EED: variants seen among roughly 807,000 people sequenced by gnomAD.
EED encodes the protein polycomb protein EED.
In EED, 9 loss-of-function variants were observed where a neutral mutation model predicts 61.0. The ratio of observed to expected loss-of-function variants is 0.15; its 90% CI spans 0.09 to 0.26. EED has a LOEUF of 0.26. Among genes scored for constraint, EED ranks in the 10% least tolerant of loss-of-function variants. EED has a pLI of 1.00. For synonymous variants in EED, 187 were observed against 174.4 expected (o/e 1.07, Z -0.57); for missense variants, 315 against 542.3 (o/e 0.58, Z 4.16).
At chr11:86,250,012 T>TA (rs1249421485) in intron 1 of EED, among the ~76,000 whole-genome samples, 1 of 152,250 alleles carries the variant, frequency 6.6e-6, no homozygotes, top group Non-Finnish European at 1.5e-5. Flanking sequence ...TACAGTGTAT[T>TA]AAAGTGACTG....
downstream of EED, among the ~76,000 whole-genome samples, chr11:86,281,715 C>T (rs1327697949): frequency 6.6e-6 from 1 of 152,112 alleles, no homozygotes; most frequent in African/African-American, 2.4e-5. Context: ...TTCGCAGGTG[C>T]AGTTATAGCT....
At chr11:86,276,864 G>T in intron 9 of EED, 116 bp from the exon 10 acceptor site, 1 of 868,338 alleles carries the variant, frequency 1.2e-6, no homozygotes. Context: ...TTGATAGATG[G>T]ATTAACCAGG....
At chr11:86,270,029 G>C in intron 9 of EED, 1 of 661,144 alleles carries the variant, frequency 1.5e-6, no homozygotes. Flanking sequence ...GGCAATTGCT[G>C]GGTTGTGGTT....
At chr11:86,285,802 T>A in the EED span, among the ~76,000 whole-genome samples, 2 of 152,018 alleles carry the variant, frequency 1.3e-5, no homozygotes, top group African/African-American at 4.8e-5. Context: ...TTCACCATGT[T>A]GGCCAGGATG....
intron 6 of EED, among the ~76,000 whole-genome samples, chr11:86,261,234 T>TA (rs1945819032): frequency 1.3e-5 from 2 of 152,170 alleles, no homozygotes; most frequent in South Asian, 4.1e-4. Context: ...AGACAGTCCC[T>TA]TCCAAAAAGG....
intron 1 of EED, among the ~76,000 whole-genome samples, chr11:86,249,863 A>C (rs1310103894): frequency 6.6e-6 from 1 of 152,246 alleles, no homozygotes; most frequent in Non-Finnish European, 1.5e-5. Context: ...ACTGAGCAGC[A>C]GTCAAATACA....
intron 9 of EED, among the ~76,000 whole-genome samples, chr11:86,269,368 C>CTG (rs1475967332): frequency 6.6e-6 from 1 of 151,948 alleles, no homozygotes; most frequent in East Asian, 1.9e-4. Context: ...TTTTTTGTAG[C>CTG]TGATAATTTA....
chr11:86,283,470 A>C (rs548528930), downstream of EED, among the ~76,000 whole-genome samples: 3 of 152,150 alleles, frequency 2.0e-5, no homozygotes, highest in Non-Finnish European at 4.4e-5. Flanking sequence ...TTCTTCTGCT[A>C]CTGTGATGTA....
intron 4 of EED, among the ~76,000 whole-genome samples, chr11:86,256,021 G>A (rs2138156854): frequency 6.6e-6 from 1 of 152,272 alleles, no homozygotes; most frequent in Non-Finnish European, 1.5e-5. Flanking sequence ...GAGGTATGGG[G>A]ATAGAGCAGA....
rs1946282308 is a variant in EED, at chr11:86,278,530, C to T, written c.*5C>T. On this transcript the variant is annotated 3_prime_UTR_variant, in exon 12 of 12. Coordinates refer to ENST00000263360, the MANE Select transcript of EED (RefSeq NM_003797.5). Reference sequence around the variant, plus strand: ...CGCTGGGATCGACTTCGATAAAATACTTTTGCCTAATCAAAATTAGAGTGT... The same window carrying T: ...CGCTGGGATCGACTTCGATAAAATATTTTTGCCTAATCAAAATTAGAGTGT... 7.4e-6 allele frequency: 12 copies of T among 1,612,172 alleles called. No individual in the cohort carries two copies. Among genetic ancestry groups the T allele is most frequent in the Non-Finnish European group, 1.0e-5 (12 of 1,179,200 alleles).
intron 9 of EED, chr11:86,276,183 G>A (rs949302381): frequency 4.6e-5 from 7 of 152,072 alleles, no homozygotes; most frequent in African/African-American, 9.7e-5. Flanking sequence ...ATGTCCCTTC[G>A]TGGGCAAACC....
At chr11:86,270,355 GTTTTT>G (rs55640335) in intron 9 of EED, among the ~76,000 whole-genome samples, 1 of 128,584 alleles carries the variant, frequency 7.8e-6, no homozygotes, top group East Asian at 2.2e-4. Flanking sequence ...TTTTTGTTGT[GTTTTT>G]TTTTTTTTTT....
chr11:86,247,513 A>G (rs1482326820), intron 1 of EED, among the ~76,000 whole-genome samples: 1 of 152,226 alleles, frequency 6.6e-6, no homozygotes, highest in Non-Finnish European at 1.5e-5. Flanking sequence ...ATATAAAAAT[A>G]CTTGATTTCC....
At chr11:86,273,209 G>C (rs1341631176) in intron 9 of EED, among the ~76,000 whole-genome samples, 1 of 152,178 alleles carries the variant, frequency 6.6e-6, no homozygotes, top group Non-Finnish European at 1.5e-5. Context: ...ATGTGTGGAG[G>C]TGGGGATCTT....
chr11:86,287,052 A>G, the EED span, among the ~76,000 whole-genome samples: 1 of 151,760 alleles, frequency 6.6e-6, no homozygotes, highest in African/African-American at 2.4e-5. Flanking sequence ...CCCATGAAAC[A>G]ATATACTTAC....
At chr11:86,250,488 T>G in intron 2 of EED, 40 bp downstream of exon 2, 1 of 1,471,796 alleles carries the variant, frequency 6.8e-7, no homozygotes, top group Non-Finnish European at 9.0e-7. Flanking sequence ...AATGCTAGGC[T>G]TCAGAAATTA....
In EED at chr11:86,254,882, A is replaced by G. The variant is rs565756644; in HGVS notation, c.361-340A>G. 8.9e-4 allele frequency among the ~76,000 whole-genome samples: 136 copies of G among 152,346 alleles called. 5 individuals carry two copies. In the South Asian group the frequency reaches 0.027, roughly 30 times the overall value. ...ATGATCCGCATGCCTTGGCCTCCCA[A>G]AATGCTGGGATTACAGGCGTGAGCC... On this transcript the variant is annotated intron_variant, in intron 3 of 11. Transcript: ENST00000263360.
chr11:86,246,272 C>G (rs11234588), intron 1 of EED, among the ~76,000 whole-genome samples: 38,176 of 152,206 alleles, frequency 0.25, 6,131 homozygotes, highest in Non-Finnish European at 0.35. Context: ...AGTATCTTGA[C>G]AATTTATTCA....
intron 6 of EED, among the ~76,000 whole-genome samples, chr11:86,259,786 A>G (rs1168829327): frequency 1.3e-5 from 2 of 152,202 alleles, no homozygotes; most frequent in Non-Finnish European, 2.9e-5. Flanking sequence ...TACAAATCAA[A>G]ACCATAATGA....
Sources: gnomAD v4.1 joint callset for allele counts (sites outside exome capture counted in the v4.1 genomes callset) on GRCh38, gnomAD v4.1.1 for gene constraint, MANE v1.5 for transcripts, NCBI Gene and HGNC (gene_info 2026-07-23, HGNC 2026-07-21) for gene names.